GRID2: variants seen among roughly 807,000 people sequenced by gnomAD.
GRID2 encodes the protein glutamate ionotropic receptor delta type subunit 2.
A neutral mutation model predicts 114.8 loss-of-function variants in GRID2; 33 were observed. The observed-to-expected ratio is 0.29, with a 90% CI of 0.22 to 0.38. GRID2 has a LOEUF of 0.38. Among genes scored for constraint, GRID2 ranks in the 10% least tolerant of loss-of-function variants. The pLI, the probability that GRID2 is intolerant of heterozygous loss-of-function variation, is 1.00. For synonymous variants in GRID2, 505 were observed against 449.9 expected, an observed-to-expected ratio of 1.12 and a Z score of -1.55; for missense variants, 1,184 against 1,257.7, an observed-to-expected ratio of 0.94 and a Z score of 0.89.
At chr4:92,585,728 T>C (rs1386456298) in intron 1 of GRID2, among the ~76,000 whole-genome samples, 1 of 151,910 alleles carries the variant, frequency 6.6e-6, no homozygotes, top group African/African-American at 2.4e-5. Flanking sequence ...CTCTACTATC[T>C]TATCAGGTAA....
At chr4:92,906,629 T>A (rs1747978441) in intron 2 of GRID2, among the ~76,000 whole-genome samples, 1 of 152,072 alleles carries the variant, frequency 6.6e-6, no homozygotes, top group Non-Finnish European at 1.5e-5. Context: ...TATTTATTTA[T>A]TTTTTTAGAG....
intron 1 of GRID2, among the ~76,000 whole-genome samples, chr4:92,330,130 A>G (rs1231135985): frequency 6.6e-6 from 1 of 152,078 alleles, no homozygotes; most frequent in East Asian, 1.9e-4. Context: ...AAAACATAAC[A>G]TTATTTAATC....
At chr4:93,031,829 G>A (rs79919830) in intron 2 of GRID2, among the ~76,000 whole-genome samples, 5 of 151,766 alleles carry the variant, frequency 3.3e-5, no homozygotes, top group African/African-American at 1.2e-4. Flanking sequence ...GGGTAAGGTT[G>A]TACCAACTTT....
intron 2 of GRID2, among the ~76,000 whole-genome samples, chr4:92,685,529 C>T (rs1281195480): frequency 2.0e-5 from 3 of 151,996 alleles, no homozygotes. Context: ...AAAACTTAAT[C>T]TCATATGAGT....
At chr4:92,624,145 T>C (rs1388608894) in intron 2 of GRID2, among the ~76,000 whole-genome samples, 1 of 151,884 alleles carries the variant, frequency 6.6e-6, no homozygotes, top group Non-Finnish European at 1.5e-5. Flanking sequence ...TTCTACATTC[T>C]TCATATGTAT....
intron 14 of GRID2, among the ~76,000 whole-genome samples, chr4:93,647,249 T>A (rs1722192767): frequency 6.6e-6 from 1 of 152,152 alleles, no homozygotes; most frequent in African/African-American, 2.4e-5. Context: ...GGAATGAGAA[T>A]GGCAAATGAC....
At chr4:93,492,725 A>G (rs1727140528) in intron 12 of GRID2, among the ~76,000 whole-genome samples, 1 of 151,904 alleles carries the variant, frequency 6.6e-6, no homozygotes, top group Non-Finnish European at 1.5e-5. Context: ...TTTAAGAAAA[A>G]TAGCTTAATT....
At chr4:92,346,475 C>T (rs542918511) in intron 1 of GRID2, among the ~76,000 whole-genome samples, 1 of 152,234 alleles carries the variant, frequency 6.6e-6, no homozygotes, top group East Asian at 1.9e-4. Flanking sequence ...ACTGCTCTTC[C>T]CACCTCAGCC....
At chr4:92,655,782 C>A (rs1318216634) in intron 2 of GRID2, among the ~76,000 whole-genome samples, 3 of 151,744 alleles carry the variant, frequency 2.0e-5, no homozygotes, top group Admixed American at 6.6e-5. Flanking sequence ...CATATAAGAT[C>A]ATGTCATCTA....
At chr4:92,403,096 T>G (rs2110284631) in intron 1 of GRID2, among the ~76,000 whole-genome samples, 1 of 152,330 alleles carries the variant, frequency 6.6e-6, no homozygotes, top group East Asian at 1.9e-4. Flanking sequence ...TCTTCTGCAG[T>G]TTCTTCACTT....
At chr4:92,653,383 AATTTCGGTTAC>A (rs1174493690) in intron 2 of GRID2, among the ~76,000 whole-genome samples, 2 of 150,758 alleles carry the variant, frequency 1.3e-5, no homozygotes, top group Non-Finnish European at 3.0e-5. Context: ...GAGCTAGAGA[AATTTCGGTTAC>A]ATACACACAA....
At chr4:93,364,007 A>T (rs1762108610) in intron 8 of GRID2, among the ~76,000 whole-genome samples, 2 of 152,164 alleles carry the variant, frequency 1.3e-5, no homozygotes, top group Admixed American at 1.3e-4. Flanking sequence ...CTTGCCAAAG[A>T]GTAAGAAAAA....
In GRID2 at chr4:92,541,377, C is replaced by A. The variant is rs147827812; in HGVS notation, c.89-48754C>A. 2.7e-3 allele frequency among the ~76,000 whole-genome samples: 402 copies of A among 150,938 alleles called. 4 individuals are homozygous for A. Among genetic ancestry groups the A allele is most frequent in the African/African-American group, 8.9e-3 (367 of 41,240 alleles). ...GAAACAATTTTTTGGTCAAAGAAAT[C>A]AAAAAATGTTTTAGTTATATGATAA... On this transcript the variant is annotated intron_variant, in intron 1 of 15. Coordinates refer to ENST00000282020, the MANE Select transcript of GRID2 (RefSeq NM_001510.4).
At chr4:93,317,986 A>AATAT (rs58755199) in intron 8 of GRID2, among the ~76,000 whole-genome samples, 5,927 of 100,524 alleles carry the variant, frequency 0.059, 333 homozygotes, top group Middle Eastern at 0.13. Flanking sequence ...TTAAAAGTGA[A>AATAT]ATATATATAT....
At chr4:93,135,024 T>G (rs1735119892) in intron 4 of GRID2, among the ~76,000 whole-genome samples, 1 of 152,176 alleles carries the variant, frequency 6.6e-6, no homozygotes, top group Non-Finnish European at 1.5e-5. Flanking sequence ...GGGTTTACTG[T>G]GCAATCATAC....
intron 12 of GRID2, among the ~76,000 whole-genome samples, chr4:93,510,377 G>T (rs1250062271): frequency 1.3e-5 from 2 of 152,114 alleles, no homozygotes; most frequent in Non-Finnish European, 2.9e-5. Context: ...GTTTTATGTG[G>T]ATAGTGACAT....
chr4:92,900,948 G>GTGTGTGTGTGTGTGTA (rs1294980486), intron 2 of GRID2, among the ~76,000 whole-genome samples: 1 of 151,558 alleles, frequency 6.6e-6, no homozygotes, highest in Admixed American at 6.6e-5. Context: ...GTGTGTGTGT[G>GTGTGTGTGTGTGTGTA]TATTTCCCAT....
At chr4:93,589,194 C>G (rs1285789889) in intron 13 of GRID2, among the ~76,000 whole-genome samples, 1 of 120,504 alleles carries the variant, frequency 8.3e-6, no homozygotes, top group African/African-American at 3.3e-5. Context: ...AATGCTATCC[C>G]TCCCCCCTCC....
At chr4:93,560,962 A>C (rs1734866497) in intron 13 of GRID2, among the ~76,000 whole-genome samples, 1 of 98,600 alleles carries the variant, frequency 1.0e-5, no homozygotes, top group Non-Finnish European at 2.1e-5. Flanking sequence ...TATTTGATAA[A>C]TATTTATTTC....
Sources: gnomAD v4.1 joint callset for allele counts (sites outside exome capture counted in the v4.1 genomes callset) on GRCh38, gnomAD v4.1.1 for gene constraint, MANE v1.5 for transcripts, NCBI Gene and HGNC (gene_info 2026-07-23, HGNC 2026-07-21) for gene names.